Variants in TUT7 observed in about 807,000 individuals in gnomAD.
TUT7 encodes the protein terminal uridylyltransferase 7.
TUT7 carries 33 observed loss-of-function variants against 165.9 expected under a neutral mutation model. The observed-to-expected ratio is 0.20, with a 90% CI of 0.15 to 0.27. The LOEUF is 0.27. Among genes scored for constraint, TUT7 ranks in the 10% least tolerant of loss-of-function variants. The pLI is 1.00. For synonymous variants in TUT7, 552 were observed against 608.1 expected (o/e 0.91, Z 1.36); for missense variants, 1,338 against 1,762.3 (o/e 0.76, Z 4.31).
intron 25 of TUT7, among the ~76,000 whole-genome samples, chr9:86,302,767 C>T (rs1827065959): frequency 6.6e-6 from 1 of 151,980 alleles, no homozygotes; most frequent in Non-Finnish European, 1.5e-5. Flanking sequence ...CAGGTGCCCG[C>T]CACCATGCTT....
At chr9:86,342,124 A>G (rs1283509058) in intron 6 of TUT7, among the ~76,000 whole-genome samples, 1 of 152,120 alleles carries the variant, frequency 6.6e-6, no homozygotes, top group African/African-American at 2.4e-5. Flanking sequence ...CAGGTTTAGC[A>G]AGAAGTAAGA....
At position 86,341,008 on chromosome 9, in the gene TUT7, T is replaced by C; in HGVS notation, c.1132A>G (p.Asn378Asp). 1.2e-6 allele frequency: 2 copies of C among 1,611,542 alleles called. No homozygotes were observed. Among genetic ancestry groups the C allele is most frequent in the South Asian group, 2.2e-5 (2 of 90,948 alleles). Residue 378 changes from asparagine (N) to aspartate (D), a missense_variant, in exon 7 of 27, where the codon AAC becomes GAC. Asn to Asp is a conservative substitution (Grantham distance 23). Transcript: ENST00000375963. Reference sequence around the variant, plus strand: ...ATGTGGAATTTGGCCTTACCACTGTTCTTTAAACATTCTTGAACAAGTAAG... The same window carrying C: ...ATGTGGAATTTGGCCTTACCACTGTCCTTTAAACATTCTTGAACAAGTAAG... The part of the protein sequence containing the change: ...VLLLVQECLK[N>D]SDSFIDVDAD...
At chr9:86,338,724 A>C in intron 9 of TUT7, 99 bp downstream of exon 9, 1 of 1,299,874 alleles carries the variant, frequency 7.7e-7, no homozygotes, top group Non-Finnish European at 1.0e-6. Flanking sequence ...GATGTCTATA[A>C]ATTTGCATTT....
Position 86,288,035 on chromosome 9 carries a change from T to G in TUT7, c.*642A>C, listed in dbSNP as rs556242491. ...AGGACTACTTGTTTTCCTTACTTCA[T>G]TTTTATAAGCATAGTAGTTATATGT... is the stretch of plus-strand genomic sequence containing the variant. On this transcript the variant is annotated 3_prime_UTR_variant, in exon 27 of 27. Transcript: ENST00000375963. The G allele has an allele frequency of 1.1e-4, 16 of 152,262 alleles. No homozygotes were observed. Among genetic ancestry groups the G allele is most frequent in the Admixed American group, 5.2e-4 (8 of 15,290 alleles). The allele number at this position is 152,262 out of a possible 1,614,324, so 9.4% of individuals were successfully genotyped here. A position where few individuals can be genotyped will look rare whatever the true frequency, so the allele number is the denominator to read the frequency against.
At chr9:86,318,000 A>G (rs974910008) in intron 16 of TUT7, among the ~76,000 whole-genome samples, 9 of 152,214 alleles carry the variant, frequency 5.9e-5, no homozygotes, top group African/African-American at 1.9e-4. Flanking sequence ...TCTTGCTTAT[A>G]TACTTTATTC....
At chr9:86,298,772 T>TG (rs1372381950) in intron 26 of TUT7, 1 of 984,858 alleles carries the variant, frequency 1.0e-6, no homozygotes, top group Non-Finnish European at 1.2e-6. Flanking sequence ...CATACCTGAC[T>TG]GGGGACTCAA....
intron 22 of TUT7, among the ~76,000 whole-genome samples, chr9:86,306,478 G>A (rs1827495574): frequency 6.6e-6 from 1 of 152,168 alleles, no homozygotes; most frequent in African/African-American, 2.4e-5. Flanking sequence ...TTGGTGTAGT[G>A]GAGATACTAC....
At chr9:86,324,812 C>A (rs908468281) in intron 12 of TUT7, among the ~76,000 whole-genome samples, 2 of 152,132 alleles carry the variant, frequency 1.3e-5, no homozygotes, top group African/African-American at 4.8e-5. Flanking sequence ...AATGAGGCTT[C>A]ACTAAAAATG....
At chr9:86,331,505 A>G (rs981838309) in intron 10 of TUT7, among the ~76,000 whole-genome samples, 2 of 152,118 alleles carry the variant, frequency 1.3e-5, no homozygotes, top group African/African-American at 4.8e-5. Context: ...TATTTCATGT[A>G]TTTTGGTGCC....
At position 86,314,829 on chromosome 9, in the gene TUT7, T is replaced by C. The variant is rs569055129; in HGVS notation, c.3274+2390A>G. Among the ~76,000 whole-genome samples the C allele has an allele frequency of 3.2e-3, 482 of 152,304 alleles. 6 individuals are homozygous for C. Among genetic ancestry groups the C allele is most frequent in the African/African-American group, 9.6e-3 (400 of 41,564 alleles). On this transcript the variant is annotated intron_variant, in intron 17 of 26. Coordinates refer to ENST00000375963, the MANE Select transcript of TUT7 (RefSeq NM_024617.4). ...TCCTAGTATTTCCCATTTGAAAATC[T>C]CCAAATGTACCAATCTTCTCACTGC...
chr9:86,327,932 G>A (rs940725842), intron 11 of TUT7, among the ~76,000 whole-genome samples: 3 of 152,152 alleles, frequency 2.0e-5, no homozygotes, highest in African/African-American at 7.2e-5. Flanking sequence ...CTTTCCTTGT[G>A]CATAAATTCC....
chr9:86,345,717 T>C lies in TUT7; in HGVS notation c.771A>G (p.Ala257=). Residue 257 remains alanine, a synonymous_variant, in exon 4 of 27, where the codon GCA becomes GCG. Coordinates refer to ENST00000375963, the MANE Select transcript of TUT7 (RefSeq NM_024617.4). ...RLCDVLIESI[A]FAHKHIKEKR... ...TTTCCTTGATATGCTTATGGGCAAA[T>C]GCAATGGATTCAATTAAAACATCAC... is the stretch of plus-strand genomic sequence containing the variant. The C allele has an allele frequency of 6.2e-7, 1 of 1,613,900 alleles. No individual in the cohort carries two copies.
At chr9:86,314,746 T>A (rs925306037) in intron 17 of TUT7, among the ~76,000 whole-genome samples, 2 of 152,190 alleles carry the variant, frequency 1.3e-5, no homozygotes, top group African/African-American at 4.8e-5. Context: ...TTTTATTGGG[T>A]CCTTTCCCTC....
At chr9:86,321,817 G>A (rs1181240186) in intron 14 of TUT7, among the ~76,000 whole-genome samples, 1 of 152,130 alleles carries the variant, frequency 6.6e-6, no homozygotes. Flanking sequence ...AGTACAGAAG[G>A]CACTTGATAT....
At chr9:86,292,416 C>T (rs1044862061) in intron 26 of TUT7, among the ~76,000 whole-genome samples, 5 of 149,956 alleles carry the variant, frequency 3.3e-5, no homozygotes, top group African/African-American at 1.2e-4. Flanking sequence ...CTGCAGTGAG[C>T]AGAGATCACA....
At chr9:86,317,312 C>A in intron 16 of TUT7, 36 bp from the exon 17 acceptor site, 1 of 1,564,200 alleles carries the variant, frequency 6.4e-7, no homozygotes, top group Non-Finnish European at 8.8e-7. Flanking sequence ...TTAACCAAAA[C>A]TGGAAGACAG....
chr9:86,290,937 A>C (rs1156581465), intron 26 of TUT7, among the ~76,000 whole-genome samples: 4 of 152,180 alleles, frequency 2.6e-5, no homozygotes, highest in Non-Finnish European at 5.9e-5. Flanking sequence ...TAAATAGAAA[A>C]AACAAAGTTT....
intron 26 of TUT7, among the ~76,000 whole-genome samples, chr9:86,295,854 T>G (rs966734448): frequency 2.0e-5 from 3 of 152,110 alleles, no homozygotes; most frequent in Non-Finnish European, 4.4e-5. Flanking sequence ...TAGTTTTTTT[T>G]TTGTTTTTTG....
rs148453924 is a variant in TUT7, at chr9:86,289,404, A to C, written c.4421-660T>G. ...TTTGCATTTCAAACCAATGGGGGAA[A>C]GTATGAATTATTCAATAACTGTATT... On this transcript the variant is annotated intron_variant, in intron 26 of 26. Coordinates refer to ENST00000375963, the MANE Select transcript of TUT7 (RefSeq NM_024617.4). Among the ~76,000 whole-genome samples the C allele has an allele frequency of 4.3e-3, 657 of 152,332 alleles. 8 individuals are homozygous for C. Among genetic ancestry groups the C allele is most frequent in the African/African-American group, 0.015 (633 of 41,590 alleles).
Sources: allele counts gnomAD v4.1 joint callset (sites outside exome capture counted in the v4.1 genomes callset), GRCh38; gene constraint gnomAD v4.1.1; transcripts MANE v1.5; gene names NCBI Gene and HGNC (gene_info 2026-07-23, HGNC 2026-07-21).